The following ZFHX3 variants were observed in gnomAD, a reference collection of about 807,000 sequenced individuals.
ZFHX3 encodes the protein zinc finger homeobox protein 3.
Under a neutral mutation model 279.1 loss-of-function variants are expected in ZFHX3, and 42 were observed. The ratio of observed to expected loss-of-function variants is 0.15; its 90% CI spans 0.12 to 0.19. ZFHX3 has a LOEUF of 0.19. Ranked by LOEUF, ZFHX3 falls within the 10% of genes least tolerant of loss-of-function variation. The pLI, the probability that ZFHX3 is intolerant of heterozygous loss-of-function variation, is 1.00. For missense variants in ZFHX3, 4,981 were observed against 4,754.0 expected (o/e 1.05, Z -1.40); for synonymous variants, 2,293 against 1,957.8 (o/e 1.17, Z -4.52).
chr16:73,069,268 C>T (rs532751757), intron 8 of ZFHX3, among the ~76,000 whole-genome samples: 11 of 152,222 alleles, frequency 7.2e-5, no homozygotes, highest in South Asian at 2.1e-4. Context: ...TCTTTTAACC[C>T]GAGGGCTGAA....
intron 6 of ZFHX3, among the ~76,000 whole-genome samples, chr16:73,135,458 T>C (rs568292980): frequency 1.1e-4 from 16 of 152,214 alleles, no homozygotes; most frequent in Admixed American, 4.6e-4. Context: ...GACTGTCCCT[T>C]ATCCAAGGAC....
intron 5 of ZFHX3, among the ~76,000 whole-genome samples, chr16:73,224,688 G>T (rs2012537041): frequency 6.6e-6 from 1 of 152,226 alleles, no homozygotes; most frequent in Non-Finnish European, 1.5e-5. Context: ...TTGCTAAAAA[G>T]ATGTCTATTA....
chr16:73,300,532 C>T (rs2015029290), intron 4 of ZFHX3, among the ~76,000 whole-genome samples: 2 of 150,944 alleles, frequency 1.3e-5, no homozygotes, highest in South Asian at 4.2e-4. Flanking sequence ...TGGACAGAAT[C>T]TCACTCTGTC....
intron 2 of ZFHX3, among the ~76,000 whole-genome samples, chr16:73,605,022 AACTGCTAT>A (rs2052163445): frequency 6.6e-6 from 1 of 152,146 alleles, no homozygotes; most frequent in South Asian, 2.1e-4. Context: ...AGCCAAGACT[AACTGCTAT>A]ACCCCAGCTC....
chr16:73,390,177 C>G (rs377707163), intron 3 of ZFHX3, among the ~76,000 whole-genome samples: 1 of 152,028 alleles, frequency 6.6e-6, no homozygotes, highest in Non-Finnish European at 1.5e-5. Context: ...CTACCTGTTC[C>G]TCAGGTGGTG....
intron 1 of ZFHX3, among the ~76,000 whole-genome samples, chr16:73,754,189 T>C (rs1216428883): frequency 6.6e-6 from 1 of 152,188 alleles, no homozygotes; most frequent in East Asian, 1.9e-4. Flanking sequence ...AGAACTCACA[T>C]CAACCGAGCT....
chr16:73,783,959 C>T (rs367569747), intron 1 of ZFHX3, among the ~76,000 whole-genome samples: 1 of 152,086 alleles, frequency 6.6e-6, no homozygotes, highest in Non-Finnish European at 1.5e-5. Context: ...AGGAACCTGT[C>T]AAACCCTGGG....
chr16:73,333,809 A>C lies in ZFHX3; in HGVS notation c.-1290-15473T>G, dbSNP rs12920643. ...GAAGTTTTCACCCCAAGAGACCAAA[A>C]AAAAAAAAAAAAAAAAAAAAAAGGT... On this transcript the variant is annotated intron_variant, in intron 3 of 17. Transcript: ENST00000641206. Among the ~76,000 whole-genome samples, 352 of 144,748 alleles carry C rather than the reference A, an allele frequency of 2.4e-3. 6 individuals carry two copies. Among genetic ancestry groups the C allele is most frequent in the African/African-American group, 9.1e-3 (339 of 37,328 alleles). The allele number at this position is 144,748 out of a possible 152,430, so 95.0% of individuals were successfully genotyped here. A position where few individuals can be genotyped will look rare whatever the true frequency, so the allele number is the denominator to read the frequency against.
At chr16:73,334,666 T>C (rs1235471009) in intron 3 of ZFHX3, among the ~76,000 whole-genome samples, 1 of 151,984 alleles carries the variant, frequency 6.6e-6, no homozygotes, top group Non-Finnish European at 1.5e-5. Context: ...GAACGGAAGC[T>C]CAAGAGGCTC....
chr16:73,821,711 C>A (rs532345230), intron 1 of ZFHX3, among the ~76,000 whole-genome samples: 48 of 152,292 alleles, frequency 3.2e-4, no homozygotes, highest in African/African-American at 9.6e-4. Flanking sequence ...AAACATTTGC[C>A]TGGAAATTTG....
At chr16:73,044,205 A>C (rs1174103691) in intron 1 of ZFHX3, among the ~76,000 whole-genome samples, 1 of 152,178 alleles carries the variant, frequency 6.6e-6, no homozygotes, top group African/African-American at 2.4e-5. Flanking sequence ...ATTTCTAATA[A>C]TAACCATTAC....
intron 1 of ZFHX3, among the ~76,000 whole-genome samples, chr16:73,870,956 A>G (rs1962146663): frequency 6.6e-6 from 1 of 152,194 alleles, no homozygotes; most frequent in African/African-American, 2.4e-5. Flanking sequence ...GCATTGACTC[A>G]ACAATTCACA....
At chr16:73,786,226 T>C (rs764425374) in intron 1 of ZFHX3, among the ~76,000 whole-genome samples, 8 of 152,198 alleles carry the variant, frequency 5.3e-5, no homozygotes, top group Non-Finnish European at 1.0e-4. Context: ...TGTGGCCTCT[T>C]CCTTTGTGTC....
chr16:72,846,247 TCA>T (rs2037476424), intron 4 of ZFHX3, among the ~76,000 whole-genome samples: 1 of 152,118 alleles, frequency 6.6e-6, no homozygotes, highest in South Asian at 2.1e-4. Flanking sequence ...CATGGGAAGC[TCA>T]GAGAGGGTGG....
chr16:73,379,995 T>C (rs12921480), intron 3 of ZFHX3, among the ~76,000 whole-genome samples: 52,504 of 152,032 alleles, frequency 0.35, 9,253 homozygotes, highest in East Asian at 0.59. Flanking sequence ...CTACATTAAT[T>C]GATTCTACAA....
intron 4 of ZFHX3, among the ~76,000 whole-genome samples, chr16:73,298,046 C>T (rs1474933462): frequency 6.6e-6 from 1 of 151,436 alleles, no homozygotes; most frequent in African/African-American, 2.4e-5. Context: ...TAACAATTAG[C>T]CAGGCATGGT....
intron 1 of ZFHX3, among the ~76,000 whole-genome samples, chr16:73,682,611 C>A (rs1485950942): frequency 2.0e-5 from 3 of 151,738 alleles, no homozygotes; most frequent in Non-Finnish European, 4.4e-5. Context: ...CATGGTGAAA[C>A]CCCGTCTCTA....
At chr16:73,859,238 A>G (rs1272958294) in intron 1 of ZFHX3, among the ~76,000 whole-genome samples, 1 of 152,224 alleles carries the variant, frequency 6.6e-6, no homozygotes, top group East Asian at 1.9e-4. Context: ...AAAAATGATC[A>G]ATATAACCAG....
At chr16:73,800,551 C>G (rs1334832979) in intron 1 of ZFHX3, among the ~76,000 whole-genome samples, 1 of 151,994 alleles carries the variant, frequency 6.6e-6, no homozygotes, top group Non-Finnish European at 1.5e-5. Context: ...TTTTCTTCTT[C>G]TTCCTCCTCC....
Sources: gnomAD v4.1 joint callset for allele counts (sites outside exome capture counted in the v4.1 genomes callset) on GRCh38, gnomAD v4.1.1 for gene constraint, MANE v1.5 for transcripts, NCBI Gene and HGNC (gene_info 2026-07-23, HGNC 2026-07-21) for gene names.